The following LARP7 variants were observed in gnomAD, a reference collection of about 807,000 sequenced individuals.
The protein encoded by LARP7 is la-related protein 7.
In LARP7, 52 loss-of-function variants were observed where a neutral mutation model predicts 69.3. That is an observed-to-expected ratio of 0.75 (90% CI 0.60 to 0.95). The LOEUF (loss-of-function observed/expected upper bound fraction) is 0.95. Among genes scored for constraint, LARP7 ranks in the 40% least tolerant of loss-of-function variants. The pLI, the probability that LARP7 is intolerant of heterozygous loss-of-function variation, is 0.00. For missense variants in LARP7, 733 were observed against 673.0 expected (o/e 1.09, Z -0.99); for synonymous variants, 254 against 215.9 (o/e 1.18, Z -1.55).
chr4:112,653,548 G>A (rs763537988), intron 11 of LARP7, among the ~76,000 whole-genome samples: 7 of 152,062 alleles, frequency 4.6e-5, no homozygotes, highest in African/African-American at 9.7e-5. Context: ...GCTGTGGTGC[G>A]ATCTCGGCTC....
rs1425947855 is a variant in LARP7, at chr4:112,647,853, TTC to T, written c.1142+21_1142+22del. On this transcript the variant is annotated intron_variant, in intron 8 of 12. Coordinates refer to ENST00000344442, the MANE Select transcript of LARP7 (RefSeq NM_016648.4). Reference sequence around the variant, plus strand: ...TATCAAAGTAAGTCTGTGGTTTAAATTCTGTCATTGGCTTAACAATCCATCAC... The same window carrying T: ...TATCAAAGTAAGTCTGTGGTTTAAATTGTCATTGGCTTAACAATCCATCAC... 4.6e-6 allele frequency: 7 copies of T among 1,531,538 alleles called. No individual in the cohort carries two copies. Among genetic ancestry groups the T allele is most frequent in the African/African-American group, 4.4e-5 (3 of 68,846 alleles). The allele number at this position is 1,531,538 out of a possible 1,614,324, so 94.9% of individuals were successfully genotyped here. A position where few individuals can be genotyped will look rare whatever the true frequency, so the allele number is the denominator to read the frequency against.
Position 112,647,515 on chromosome 4 carries a change from T to C in LARP7, c.963T>C (p.Ile321=), listed in dbSNP as rs368343990. 2.2e-5 allele frequency: 35 copies of C among 1,612,092 alleles called. No individual in the cohort carries two copies. The African/African-American group carries it at 3.7e-4, about 17-fold the overall frequency. Residue 321 remains isoleucine, a synonymous_variant, in exon 7 of 13, where the codon ATT becomes ATC. Transcript: ENST00000344442. ...KVKKIIQKDI[I]KEASEASKEN... ...AGAAAATTATTCAGAAAGACATCATTAAGGAAGCATCAGAAGCTTCCAAGG... is the reference window on the plus strand; with the variant it reads ...AGAAAATTATTCAGAAAGACATCATCAAGGAAGCATCAGAAGCTTCCAAGG...
chr4:112,651,231 A>G (rs894494253), intron 10 of LARP7, among the ~76,000 whole-genome samples: 1 of 152,200 alleles, frequency 6.6e-6, no homozygotes, highest in African/African-American at 2.4e-5. Context: ...TTATACTGAC[A>G]TTCATCATCA....
chr4:112,646,452 G>C lies in LARP7; in HGVS notation c.303+1G>C, dbSNP rs1056687752. Reference sequence around the variant, plus strand: ...ATTGAGAAGTTCAGCTGTTGTAGAGGTAAGAATCAAGAATAACTACTGTTT... The same window carrying C: ...ATTGAGAAGTTCAGCTGTTGTAGAGCTAAGAATCAAGAATAACTACTGTTT... On this transcript the variant is annotated splice_donor_variant, in intron 3 of 12. Transcript: ENST00000344442. LOFTEE classifies it high-confidence loss of function. 1 of 1,555,810 alleles carries C rather than the reference G, an allele frequency of 6.4e-7. No homozygotes were observed. Among genetic ancestry groups the C allele is most frequent in the East Asian group, 2.3e-5 (1 of 44,138 alleles).
At chr4:112,638,734 CAAT>C (rs2047824511) in intron 1 of LARP7, among the ~76,000 whole-genome samples, 1 of 152,214 alleles carries the variant, frequency 6.6e-6, no homozygotes, top group Admixed American at 6.5e-5. Context: ...ACTACATACT[CAAT>C]GATGTACTTA....
At chr4:112,639,465 C>T (rs554366057) in intron 1 of LARP7, among the ~76,000 whole-genome samples, 14 of 152,090 alleles carry the variant, frequency 9.2e-5, no homozygotes, top group Admixed American at 3.9e-4. Context: ...CTCCTGACCT[C>T]GTGATCCGCC....
chr4:112,651,540 TATTTCTAATCAACTC>T (rs2048737821), intron 10 of LARP7, among the ~76,000 whole-genome samples: 1 of 152,212 alleles, frequency 6.6e-6, no homozygotes, highest in Non-Finnish European at 1.5e-5. Context: ...TGCTCAGAGT[TATTTCTAATCAACTC>T]ATTAAATAAC....
chr4:112,648,708 G>A (rs2048530116), intron 8 of LARP7: 13 of 340,990 alleles, frequency 3.8e-5, no homozygotes, highest in South Asian at 2.8e-4. Flanking sequence ...GTAAAAGGCA[G>A]GGACTTCAGC....
chr4:112,654,236 T>C, intron 12 of LARP7, 77 bp downstream of exon 12: 1 of 1,001,926 alleles, frequency 1.0e-6, no homozygotes, highest in Admixed American at 2.1e-5. Flanking sequence ...TAGGTAGTCA[T>C]AAAATGATCG....
chr4:112,647,975 T>A (rs1383759647), intron 8 of LARP7, 141 bp downstream of exon 8: 1 of 756,676 alleles, frequency 1.3e-6, no homozygotes, highest in Non-Finnish European at 2.4e-6. Context: ...GTGTGGGCGT[T>A]AACGCAATTG....
intron 1 of LARP7, among the ~76,000 whole-genome samples, chr4:112,641,641 A>G (rs2047970440): frequency 1.3e-5 from 2 of 152,242 alleles, no homozygotes; most frequent in African/African-American, 4.8e-5. Flanking sequence ...TAACAGAAAT[A>G]CTGATGAGTT....
chr4:112,648,670 C>G (rs2048524117), intron 8 of LARP7: 1 of 385,756 alleles, frequency 2.6e-6, no homozygotes, highest in African/African-American at 2.1e-5. Context: ...GAACTAGTTC[C>G]CAAAGATTCG....
intron 1 of LARP7, among the ~76,000 whole-genome samples, chr4:112,640,092 C>T (rs1327283816): frequency 2.0e-5 from 3 of 152,044 alleles, no homozygotes; most frequent in Admixed American, 1.3e-4. Flanking sequence ...GCATGGGCCA[C>T]CACACCCAGA....
rs1187339699 is a variant in LARP7, at chr4:112,649,594, C to T, written c.1202C>T (p.Ser401Phe). 84 of 1,607,362 alleles carry T rather than the reference C, an allele frequency of 5.2e-5. No homozygotes were observed. The highest frequency in any genetic ancestry group is 7.1e-5 in the Non-Finnish European group (83 of 1,176,598). ...YLALQKASMA[S>F]LKKTISQIKS... is the part of the protein sequence containing the mutation. ...GCGCTACAAAAAGCTAGCATGGCTTCTTTAAAAAAAACAATATCCCAAATA... is the reference window on the plus strand; with the variant it reads ...GCGCTACAAAAAGCTAGCATGGCTTTTTTAAAAAAAACAATATCCCAAATA... Residue 401 changes from serine to phenylalanine, a missense_variant, in exon 9 of 13, where the codon TCT becomes TTT. Physicochemically the swap from Ser to Phe is radical, Grantham distance 155. Transcript: ENST00000344442.
chr4:112,640,487 A>G lies in LARP7; in HGVS notation c.-3+3248A>G, dbSNP rs187522666. ...GAGGCCCAAATGGGCAGATCACTTG[A>G]GGTCAGGAGTTTGAGACCAGCCTGG... On this transcript the variant is annotated intron_variant, in intron 1 of 12. Transcript: ENST00000344442. Among the ~76,000 whole-genome samples the G allele has an allele frequency of 3.1e-3, 477 of 152,188 alleles. 1 individual carries two copies. The highest frequency in any genetic ancestry group is 5.0e-3 in the Non-Finnish European group (341 of 68,016).
At chr4:112,645,682 CT>C (rs770791069) in intron 2 of LARP7, 2 of 443,972 alleles carry the variant, frequency 4.5e-6, no homozygotes, top group Admixed American at 2.5e-5. Flanking sequence ...ACCAGGCCGG[CT>C]TTTTTTTCTG....
chr4:112,646,310 C>A, intron 2 of LARP7, 41 bp from the exon 3 acceptor site: 1 of 1,008,426 alleles, frequency 9.9e-7, no homozygotes, highest in Non-Finnish European at 1.5e-6. Context: ...TGAATTAATC[C>A]TGCTGATACA....
rs35719274 is a variant in LARP7, at chr4:112,657,170, T to TTGTGTGTGTGTGTGTG, written c.1669-61_1669-46dup. 7.1e-3 allele frequency: 3,643 copies of TTGTGTGTGTGTGTGTG among 516,630 alleles called. 102 individuals carry two copies. Among genetic ancestry groups the TTGTGTGTGTGTGTGTG allele is most frequent in the African/African-American group, 0.062 (2,811 of 45,518 alleles). 32.0% of individuals were successfully genotyped at this position (516,630 alleles called of 1,614,324 possible). On this transcript the variant is annotated intron_variant, in intron 12 of 12. Transcript: ENST00000344442. Reference sequence around the variant, plus strand: ...TGTGAAATTTTTTCTAGTCATAGTTTTGTGTGTGTGTGTGTGTGTGTGTGT... The same window carrying TTGTGTGTGTGTGTGTG: ...TGTGAAATTTTTTCTAGTCATAGTTTTGTGTGTGTGTGTGTGTGTGTGTGTGTGTGTGTGTGTGTGT...
chr4:112,644,267 A>C (rs1427993751), intron 1 of LARP7: 1 of 176,376 alleles, frequency 5.7e-6, no homozygotes, highest in African/African-American at 4.2e-5. Context: ...AGCGAATACA[A>C]CTTCTCTGGG....
Sources: allele counts gnomAD v4.1 joint callset (sites outside exome capture counted in the v4.1 genomes callset), GRCh38; gene constraint gnomAD v4.1.1; transcripts MANE v1.5; gene names NCBI Gene and HGNC (gene_info 2026-07-23, HGNC 2026-07-21).